The following TTBK2 variants were observed in gnomAD, a reference collection of about 807,000 sequenced individuals.
TTBK2 encodes tau-tubulin kinase 2.
Under a neutral mutation model 110.8 loss-of-function variants are expected in TTBK2, and 28 were observed. That is an observed-to-expected ratio of 0.25 (90% confidence interval 0.19 to 0.35). TTBK2 has a LOEUF of 0.35. Among genes scored for constraint, TTBK2 ranks in the 10% least tolerant of loss-of-function variants. TTBK2 has a pLI of 1.00. For synonymous variants in TTBK2, 532 were observed against 527.3 expected, an observed-to-expected ratio of 1.01 and a Z score of -0.12; for missense variants, 1,369 against 1,500.3, an observed-to-expected ratio of 0.91 and a Z score of 1.45.
chr15:42,905,764 A>G (rs2030351463), intron 1 of TTBK2, among the ~76,000 whole-genome samples: 1 of 152,194 alleles, frequency 6.6e-6, no homozygotes, highest in South Asian at 2.1e-4. Flanking sequence ...TATTGGGCCC[A>G]TTAATTAACT....
intron 7 of TTBK2, among the ~76,000 whole-genome samples, chr15:42,815,163 G>C (rs1891888052): frequency 1.3e-5 from 2 of 151,912 alleles, no homozygotes; most frequent in Admixed American, 1.3e-4. Flanking sequence ...AGGAAAAGAA[G>C]AGAGCTTCTT....
chr15:42,764,723 C>T (rs1889275570), intron 13 of TTBK2, among the ~76,000 whole-genome samples: 1 of 152,242 alleles, frequency 6.6e-6, no homozygotes, highest in African/African-American at 2.4e-5. Context: ...CAAACTTAAA[C>T]GTCCCTGTCT....
At chr15:42,801,096 C>A (rs1409237314) in intron 9 of TTBK2, 2 of 818,070 alleles carry the variant, frequency 2.4e-6, no homozygotes, top group Non-Finnish European at 4.3e-6. Context: ...AAAGCTGGAG[C>A]CCAGGCCGTA....
rs1197225066 is a variant in TTBK2 at position 42,752,429 on chromosome 15, T to C, written c.2817A>G (p.Val939=). The change falls in exon 14 of 15, where the codon GTA becomes GTG. Residue 939 remains valine (V), a synonymous_variant. Coordinates refer to ENST00000267890, the MANE Select transcript of TTBK2 (RefSeq NM_173500.4). ...AAACAGGGATTCGGCTGTGTCTAGT[T>C]ACAAAGGATGACCTAACCATATCCT... ...TRKDMVRSSF[V]TRHSRIPVLA... 3.1e-6 allele frequency: 5 copies of C among 1,614,170 alleles called. No individual in the cohort carries two copies. Among genetic ancestry groups the C allele is most frequent in the Non-Finnish European group, 4.2e-6 (5 of 1,180,020 alleles).
At chr15:42,917,459 C>T (rs1402579521) in intron 1 of TTBK2, among the ~76,000 whole-genome samples, 1 of 151,926 alleles carries the variant, frequency 6.6e-6, no homozygotes, top group African/African-American at 2.4e-5. Flanking sequence ...CAAGGATCAC[C>T]AGACTTTAAT....
intron 9 of TTBK2, chr15:42,798,264 T>G (rs1165191759): frequency 6.6e-6 from 3 of 456,208 alleles, no homozygotes; most frequent in Non-Finnish European, 1.3e-5. Flanking sequence ...TGGCAGTAAT[T>G]CTCAAACTGG....
At chr15:42,768,742 A>C (rs1263873569) in intron 13 of TTBK2, among the ~76,000 whole-genome samples, 1 of 152,242 alleles carries the variant, frequency 6.6e-6, no homozygotes, top group African/African-American at 2.4e-5. Flanking sequence ...CTTTCTTCAC[A>C]GAATTGGAAA....
intron 11 of TTBK2, among the ~76,000 whole-genome samples, chr15:42,780,057 C>CT (rs1890114619): frequency 6.6e-6 from 1 of 151,612 alleles, no homozygotes; most frequent in Non-Finnish European, 1.5e-5. Flanking sequence ...GAGTCTCACT[C>CT]TGTCACCTAG....
intron 9 of TTBK2, chr15:42,801,867 C>G: frequency 9.4e-7 from 1 of 1,063,920 alleles, no homozygotes; most frequent in Non-Finnish European, 1.4e-6. Context: ...ATTTACTGAT[C>G]TCAACCTCAT....
chr15:42,744,463 T>G lies in TTBK2; in HGVS notation c.*1332A>C, dbSNP rs1399296657. 1.3e-5 allele frequency: 2 copies of G among 152,336 alleles called. No individual in the cohort carries two copies. The highest frequency in any genetic ancestry group is 1.3e-4 in the Admixed American group (2 of 15,274). The allele number at this position is 152,336 out of a possible 1,614,324, so 9.4% of individuals were successfully genotyped here. On this transcript the variant is annotated 3_prime_UTR_variant, in exon 15 of 15. Transcript: ENST00000267890. ...AGCAGACCAATTTACCTGACCTTAA[T>G]AAGGTCTTTACAACACAAAACACCT... is the stretch of plus-strand genomic sequence containing the variant.
intron 13 of TTBK2, among the ~76,000 whole-genome samples, chr15:42,771,349 T>A (rs931521792): frequency 6.6e-6 from 1 of 152,126 alleles, no homozygotes; most frequent in Non-Finnish European, 1.5e-5. Flanking sequence ...AATAAAGATA[T>A]CCAAAATTCC....
chr15:42,777,301 A>AGT (rs1458418024), intron 11 of TTBK2, 59 bp from the exon 12 acceptor site: 32 of 1,505,138 alleles, frequency 2.1e-5, no homozygotes, highest in Non-Finnish European at 2.9e-5. Flanking sequence ...CATGAGAGGA[A>AGT]TCATTGAAGC....
intron 7 of TTBK2, among the ~76,000 whole-genome samples, chr15:42,813,612 A>G (rs1330179261): frequency 6.6e-6 from 1 of 152,172 alleles, no homozygotes; most frequent in Non-Finnish European, 1.5e-5. Flanking sequence ...TGGAAGGCTG[A>G]AGCTGGTGGA....
chr15:42,898,489 C>T (rs190969404), intron 1 of TTBK2, among the ~76,000 whole-genome samples: 8 of 148,866 alleles, frequency 5.4e-5, no homozygotes, highest in Admixed American at 3.4e-4. Flanking sequence ...CCAGCCTGGG[C>T]GGCAGAGTGA....
intron 1 of TTBK2, among the ~76,000 whole-genome samples, chr15:42,911,146 T>C (rs1204313155): frequency 6.6e-6 from 1 of 152,130 alleles, no homozygotes; most frequent in East Asian, 1.9e-4. Flanking sequence ...TAATACTAGC[T>C]AGGATTGTCA....
At chr15:42,808,804 T>G (rs1891587194) in intron 9 of TTBK2, among the ~76,000 whole-genome samples, 1 of 152,198 alleles carries the variant, frequency 6.6e-6, no homozygotes, top group Non-Finnish European at 1.5e-5. Flanking sequence ...GAGCCATGTT[T>G]GCACCAACTG....
At chr15:42,879,454 T>C (rs1221384088) in intron 1 of TTBK2, among the ~76,000 whole-genome samples, 7 of 152,044 alleles carry the variant, frequency 4.6e-5, no homozygotes, top group Non-Finnish European at 8.8e-5. Context: ...TTAATGAAAA[T>C]GATGGATTCT....
At chr15:42,865,769 G>A (rs530936917) in intron 3 of TTBK2, among the ~76,000 whole-genome samples, 1 of 152,214 alleles carries the variant, frequency 6.6e-6, no homozygotes, top group East Asian at 1.9e-4. Context: ...GCTGCAGTTA[G>A]CTATGATCAC....
chr15:42,862,167 G>A (rs1208567958), intron 3 of TTBK2, among the ~76,000 whole-genome samples: 1 of 151,874 alleles, frequency 6.6e-6, no homozygotes, highest in Non-Finnish European at 1.5e-5. Flanking sequence ...ACAAAGAACT[G>A]GTATCAATCC....
Sources: allele counts gnomAD v4.1 joint callset (sites outside exome capture counted in the v4.1 genomes callset), GRCh38; gene constraint gnomAD v4.1.1; transcripts MANE v1.5; gene names NCBI Gene and HGNC (gene_info 2026-07-23, HGNC 2026-07-21).